RARS2: variants seen among roughly 807,000 people sequenced by gnomAD.
The protein encoded by RARS2 is arginyl-tRNA synthetase 2, mitochondrial, also known as probable arginine--tRNA ligase, mitochondrial.
RARS2 carries 67 observed loss-of-function variants against 88.5 expected under a neutral mutation model. The observed-to-expected ratio is 0.76, with a 90% CI of 0.62 to 0.93. RARS2 has a LOEUF of 0.93. Ranked by LOEUF, RARS2 falls within the 40% of genes least tolerant of loss-of-function variation. The pLI, the probability that RARS2 is intolerant of heterozygous loss-of-function variation, is 0.00. For synonymous variants in RARS2, 239 were observed against 230.3 expected (o/e 1.04, Z -0.34); for missense variants, 664 against 684.2 (o/e 0.97, Z 0.33).
At chr6:87,565,582 T>C (rs1767623347) in intron 2 of RARS2, among the ~76,000 whole-genome samples, 1 of 152,188 alleles carries the variant, frequency 6.6e-6, no homozygotes. Flanking sequence ...AAATAAGACT[T>C]GAAGTAAATT....
Position 87,516,702 on chromosome 6 carries a change from G to T in RARS2, c.1586+104C>A. The T allele has an allele frequency of 2.7e-6, 4 of 1,490,514 alleles. No homozygotes were observed. The South Asian group carries it at 3.6e-5, about 13-fold the overall frequency. 92.3% of individuals were successfully genotyped at this position (1,490,514 alleles called of 1,614,324 possible). ...GAAGCAATAATTCCTGTAACTAAAAGCACATCAAATTTTAGGCCAAGGAAT... is the reference window on the plus strand; with the variant it reads ...GAAGCAATAATTCCTGTAACTAAAATCACATCAAATTTTAGGCCAAGGAAT... On this transcript the variant is annotated intron_variant, in intron 18 of 19. Transcript: ENST00000369536.
rs754259032 is a variant in RARS2, at chr6:87,555,459, T to C, written c.344A>G (p.Lys115Arg). 8 of 1,613,928 alleles carry C rather than the reference T, an allele frequency of 5.0e-6. No individual in the cohort carries two copies. In the African/African-American group the frequency reaches 6.7e-5, roughly 13 times the overall value. Reference protein sequence around the residue: ...VIEDGSKYGLKSELFSGLPQK... With the variant: ...VIEDGSKYGLRSELFSGLPQK... ...GGGAAGTCCAGAGAAAAGTTCACTTTTTAATCCATATTTTGAGCCATCTTC... is the reference window on the plus strand; with the variant it reads ...GGGAAGTCCAGAGAAAAGTTCACTTCTTAATCCATATTTTGAGCCATCTTC... Residue 115 changes from lysine (K) to arginine (R), a missense_variant, in exon 5 of 20, where the codon AAA becomes AGA. Lys to Arg is a conservative substitution (Grantham distance 26, BLOSUM62 2). Transcript: ENST00000369536.
intron 1 of RARS2, among the ~76,000 whole-genome samples, chr6:87,583,139 T>G (rs1774107440): frequency 6.6e-6 from 1 of 152,164 alleles, no homozygotes; most frequent in East Asian, 1.9e-4. Flanking sequence ...TACTCTCAAA[T>G]GACACAGGAA....
At chr6:87,589,511 G>C (rs1776320001) in intron 1 of RARS2, among the ~76,000 whole-genome samples, 1 of 152,142 alleles carries the variant, frequency 6.6e-6, no homozygotes, top group Non-Finnish European at 1.5e-5. Flanking sequence ...CTGCCTAAGT[G>C]ACTGCAAGAG....
chr6:87,549,533 A>G (rs1268185226), intron 5 of RARS2, among the ~76,000 whole-genome samples: 2 of 151,312 alleles, frequency 1.3e-5, no homozygotes, highest in Non-Finnish European at 2.9e-5. Context: ...GTGACAGAGT[A>G]AGATTCTGTC....
chr6:87,567,183 C>T (rs1016143653), intron 2 of RARS2, among the ~76,000 whole-genome samples: 4 of 152,098 alleles, frequency 2.6e-5, no homozygotes, highest in East Asian at 3.9e-4. Flanking sequence ...ACCCAGGAGG[C>T]GGAGGTTGCA....
At chr6:87,525,126 G>A (rs1775241753) in intron 10 of RARS2, among the ~76,000 whole-genome samples, 1 of 152,204 alleles carries the variant, frequency 6.6e-6, no homozygotes, top group African/African-American at 2.4e-5. Flanking sequence ...TTTCCTTAAG[G>A]ACATTACCGA....
rs1156266012 is a variant in RARS2 at position 87,578,008 on chromosome 6, C to T, written c.37-8418G>A. 3.3e-5 allele frequency among the ~76,000 whole-genome samples: 5 copies of T among 151,940 alleles called. No individual in the cohort carries two copies. The South Asian group carries it at 6.2e-4, about 19-fold the overall frequency. On this transcript the variant is annotated intron_variant, in intron 1 of 19. Coordinates refer to ENST00000369536, the MANE Select transcript of RARS2 (RefSeq NM_020320.5). Reference sequence around the variant, plus strand: ...ATTTAAAACAGCATTTCAGGCCAAGCGCGGTGGCTCATGCCTGTAATCCGA... The same window carrying T: ...ATTTAAAACAGCATTTCAGGCCAAGTGCGGTGGCTCATGCCTGTAATCCGA...
chr6:87,517,926 G>C (rs1772362067), intron 17 of RARS2, among the ~76,000 whole-genome samples: 2 of 152,166 alleles, frequency 1.3e-5, no homozygotes, highest in African/African-American at 4.8e-5. Context: ...GAGGCAGCTA[G>C]ACATGTGCGC....
At chr6:87,573,322 AG>A (rs1456634269) in intron 1 of RARS2, among the ~76,000 whole-genome samples, 1 of 152,186 alleles carries the variant, frequency 6.6e-6, no homozygotes, top group Non-Finnish European at 1.5e-5. Flanking sequence ...AGGCAGCACT[AG>A]GGGAATGGTG....
rs1782427835 is a variant in RARS2 at position 87,545,712 on chromosome 6, A to G, written c.452-13T>C. ...GCTATAAAATTTCCTAGTAATCAATAAAGTATATAGTTTCTCATTCTTGTT... is the reference window on the plus strand; with the variant it reads ...GCTATAAAATTTCCTAGTAATCAATGAAGTATATAGTTTCTCATTCTTGTT... On this transcript the variant is annotated splice_polypyrimidine_tract_variant and intron_variant, in intron 6 of 19. Transcript: ENST00000369536. The G allele has an allele frequency of 6.2e-7, 1 of 1,611,190 alleles. No individual in the cohort carries two copies. Among genetic ancestry groups the G allele is most frequent in the Non-Finnish European group, 8.5e-7 (1 of 1,178,300 alleles).
chr6:87,517,021 G>A, intron 17 of RARS2, 141 bp from the exon 18 acceptor site: 1 of 1,306,822 alleles, frequency 7.7e-7, no homozygotes, highest in Non-Finnish European at 1.1e-6. Flanking sequence ...TCTCACGTCT[G>A]TAATCCCAGC....
intron 1 of RARS2, among the ~76,000 whole-genome samples, chr6:87,576,871 G>A (rs1203979998): frequency 6.6e-6 from 1 of 152,070 alleles, no homozygotes; most frequent in African/African-American, 2.4e-5. Context: ...AAAACTCCAT[G>A]GGAAATGAAA....
At chr6:87,547,152 A>G (rs1379756662) in intron 6 of RARS2, among the ~76,000 whole-genome samples, 1 of 152,340 alleles carries the variant, frequency 6.6e-6, no homozygotes, top group East Asian at 1.9e-4. Context: ...GTTCTCAAAT[A>G]TTATCTCTAA....
intron 2 of RARS2, among the ~76,000 whole-genome samples, chr6:87,565,616 G>A (rs1767629290): frequency 6.6e-6 from 1 of 152,172 alleles, no homozygotes; most frequent in Non-Finnish European, 1.5e-5. Context: ...TGACAACTTA[G>A]AAAGTGACCA....
chr6:87,531,135 T>A (rs931757355), intron 8 of RARS2, among the ~76,000 whole-genome samples, 193 bp from the exon 9 acceptor site: 1 of 152,140 alleles, frequency 6.6e-6, no homozygotes, highest in African/African-American at 2.4e-5. Flanking sequence ...CTCAAAATGT[T>A]TCTAAATTCA....
intron 9 of RARS2, among the ~76,000 whole-genome samples, chr6:87,530,482 T>C (rs1341722980): frequency 6.6e-6 from 1 of 152,132 alleles, no homozygotes; most frequent in African/African-American, 2.4e-5. Context: ...ATTAAATGAA[T>C]CAGTTTATTA....
At chr6:87,549,602 A>G (rs1185101487) in intron 5 of RARS2, among the ~76,000 whole-genome samples, 1 of 151,786 alleles carries the variant, frequency 6.6e-6, no homozygotes, top group Non-Finnish European at 1.5e-5. Flanking sequence ...CTCCCAGAAC[A>G]ATCAGAATGT....
chr6:87,582,311 A>T lies in RARS2; in HGVS notation c.36+7611T>A, dbSNP rs180806161. 7.9e-5 allele frequency among the ~76,000 whole-genome samples: 12 copies of T among 152,320 alleles called. No homozygotes were observed. In the East Asian group the frequency reaches 2.1e-3, roughly 27 times the overall value. ...AATGATCACCATTCTGACTGGCATG[A>T]GATGGTATCTCATTGTGGTTTTGAT... On this transcript the variant is annotated intron_variant, in intron 1 of 19. Transcript: ENST00000369536.
Sources: allele counts gnomAD v4.1 joint callset (sites outside exome capture counted in the v4.1 genomes callset), GRCh38; gene constraint gnomAD v4.1.1; transcripts MANE v1.5; gene names NCBI Gene and HGNC (gene_info 2026-07-23, HGNC 2026-07-21).